LAMA1: variants seen among roughly 807,000 people sequenced by gnomAD.
LAMA1 encodes laminin subunit alpha-1.
A neutral mutation model predicts 348.7 loss-of-function variants in LAMA1; 219 were observed. That is an observed-to-expected ratio of 0.63 (90% CI 0.56 to 0.70). LAMA1 has a LOEUF of 0.70. Ranked by LOEUF, LAMA1 falls within the 30% of genes least tolerant of loss-of-function variation. LAMA1 has a pLI of 0.00. For missense variants in LAMA1, 3,744 were observed against 3,888.0 expected, an observed-to-expected ratio of 0.96 and a Z score of 0.99; for synonymous variants, 1,487 against 1,491.0, an observed-to-expected ratio of 1.00 and a Z score of 0.06.
Position 6,992,634 on chromosome 18 carries a change from C to T in LAMA1, c.5095G>A (p.Gly1699Ser), listed in dbSNP as rs1969412527. The change falls in exon 36 of 63, where the codon GGT (glycine) becomes AGT (serine). Residue 1699 changes from glycine (G) to serine (S), a missense_variant. By Grantham distance (56) the Gly-to-Ser change is moderately conservative (BLOSUM62 0). Around this residue, in one of 3 missense-constraint regions of LAMA1, gnomAD observed 1,983 missense variants for 1,934.3 expected, o/e 1.03. Coordinates refer to ENST00000389658, the MANE Select transcript of LAMA1 (RefSeq NM_005559.4). ...TGCATGATTTCTAGCAAAGATGTACCATTCTGTTGCATGTTCTGAAGAGTA... is the reference window on the plus strand; with the variant it reads ...TGCATGATTTCTAGCAAAGATGTACTATTCTGTTGCATGTTCTGAAGAGTA... ...NSTLQNMQQN[G>S]TSLLEIMQIR... The T allele has an allele frequency of 1.2e-6, 2 of 1,613,642 alleles. No homozygotes were observed. The highest frequency in any genetic ancestry group is 1.7e-5 in the Admixed American group (1 of 60,020).
rs566642634 is a variant in LAMA1, at chr18:7,099,257, T to G, written c.61+18403A>C. 1.5e-3 allele frequency among the ~76,000 whole-genome samples: 233 copies of G among 150,714 alleles called. 1 individual carries two copies. Among genetic ancestry groups the G allele is most frequent in the Non-Finnish European group, 2.1e-3 (140 of 67,688 alleles). Reference sequence around the variant, plus strand: ...TGCAAGATGTGCTTTGTTAAACAGATGCTTGAAGGCAGCATGCTCGTTAAG... The same window carrying G: ...TGCAAGATGTGCTTTGTTAAACAGAGGCTTGAAGGCAGCATGCTCGTTAAG... On this transcript the variant is annotated intron_variant, in intron 1 of 62. Coordinates refer to ENST00000389658, the MANE Select transcript of LAMA1 (RefSeq NM_005559.4).
At chr18:7,102,848 G>A (rs565665391) in intron 1 of LAMA1, among the ~76,000 whole-genome samples, 6 of 152,276 alleles carry the variant, frequency 3.9e-5, no homozygotes, top group African/African-American at 1.4e-4. Flanking sequence ...ATAAGTTTTT[G>A]TTGAGTATAA....
intron 23 of LAMA1, among the ~76,000 whole-genome samples, chr18:7,013,486 C>G (rs765112484): frequency 3.3e-5 from 5 of 152,162 alleles, no homozygotes; most frequent in African/African-American, 1.2e-4. Context: ...TCACAGGGAT[C>G]ACATCACAAA....
intron 25 of LAMA1, among the ~76,000 whole-genome samples, 167 bp downstream of exon 25, chr18:7,011,133 T>C (rs2057857796): frequency 6.6e-6 from 1 of 152,190 alleles, no homozygotes; most frequent in African/African-American, 2.4e-5. Context: ...AGGAACCATA[T>C]ATTTGAGGAG....
At chr18:7,025,727 A>G (rs960925471) in intron 17 of LAMA1, among the ~76,000 whole-genome samples, 2 of 152,214 alleles carry the variant, frequency 1.3e-5, no homozygotes, top group African/African-American at 4.8e-5. Context: ...ACTGATGACC[A>G]AGAGGAATCA....
At chr18:7,016,467 T>A (rs1568032211) in intron 21 of LAMA1, 24 bp downstream of exon 21, 1 of 1,614,032 alleles carries the variant, frequency 6.2e-7, no homozygotes, top group East Asian at 2.2e-5. Context: ...CTACAAAGTC[T>A]CAAACAAGGA....
intron 41 of LAMA1, 105 bp from the exon 42 acceptor site, chr18:6,980,742 A>G (rs934769014): frequency 5.8e-6 from 4 of 692,432 alleles, no homozygotes; most frequent in Non-Finnish European, 1.0e-5. Context: ...ATAGCTTTCT[A>G]AAGAGATTCC....
intron 30 of LAMA1, 73 bp downstream of exon 30, chr18:7,002,191 C>T (rs998713790): frequency 2.0e-5 from 32 of 1,584,594 alleles, no homozygotes; most frequent in Non-Finnish European, 2.6e-5. Context: ...CACTCAGAGA[C>T]CCTTGAAAAT....
At chr18:7,035,935 T>G in intron 13 of LAMA1, 52 bp downstream of exon 13, 1 of 1,440,090 alleles carries the variant, frequency 6.9e-7, no homozygotes, top group Non-Finnish European at 9.8e-7. Flanking sequence ...TCATAAACTA[T>G]CAGCCCACTA....
intron 19 of LAMA1, among the ~76,000 whole-genome samples, chr18:7,022,877 G>A (rs1291835975): frequency 2.0e-5 from 3 of 152,170 alleles, no homozygotes; most frequent in Non-Finnish European, 2.9e-5. Flanking sequence ...CAGTCACGGG[G>A]AGCAGAGCCG....
At chr18:7,006,668 C>T (rs927921460) in intron 29 of LAMA1, among the ~76,000 whole-genome samples, 3 of 152,194 alleles carry the variant, frequency 2.0e-5, no homozygotes, top group Middle Eastern at 3.2e-3. Context: ...GCCTACTACA[C>T]GCCTAGGCCA....
intron 39 of LAMA1, 147 bp downstream of exon 39, chr18:6,985,090 G>A: frequency 1.1e-6 from 1 of 945,770 alleles, no homozygotes; most frequent in South Asian, 1.4e-5. Flanking sequence ...GCAGACACAA[G>A]GAAATCCAAC....
At chr18:6,949,043 T>A in intron 59 of LAMA1, 58 bp downstream of exon 59, 1 of 1,606,240 alleles carries the variant, frequency 6.2e-7, no homozygotes, top group Non-Finnish European at 8.5e-7. Flanking sequence ...TATGCTCTTC[T>A]ACAAAATAAA....
chr18:6,965,160 A>G, intron 50 of LAMA1, 128 bp downstream of exon 50: 1 of 1,225,510 alleles, frequency 8.2e-7, no homozygotes, highest in Non-Finnish European at 1.2e-6. Flanking sequence ...CAAAGACAAC[A>G]CTGGCTTCCA....
Position 6,942,009 on chromosome 18 carries a change from T to C in LAMA1, c.*70A>G, listed in dbSNP as rs905840026. ...GGAAATGAAATATGAACTGAAGAGA[T>C]TCTTAATTCACACATACACTTCTCC... On this transcript the variant is annotated 3_prime_UTR_variant, in exon 63 of 63. Transcript: ENST00000389658. 3 of 1,570,978 alleles carry C rather than the reference T, an allele frequency of 1.9e-6. No individual in the cohort carries two copies. Among genetic ancestry groups the C allele is most frequent in the African/African-American group, 2.7e-5 (2 of 74,104 alleles).
Position 7,108,201 on chromosome 18 carries a change from C to A in LAMA1, c.61+9459G>T, listed in dbSNP as rs1248840830. On this transcript the variant is annotated intron_variant, in intron 1 of 62. Transcript: ENST00000389658. ...AAATACAAAAATTAGCCAGGCATGG[C>A]GGTGTGTGCCTGTAGTCCCAGCTAC... Among the ~76,000 whole-genome samples the A allele has an allele frequency of 2.7e-5, 4 of 148,244 alleles. No individual in the cohort carries two copies. In the East Asian group the frequency reaches 8.2e-4, roughly 30 times the overall value.
Position 6,999,801 on chromosome 18 carries a change from C to T in LAMA1, c.4469+110G>A. ...GAGGTCTTATTTCAATCAAGCACAT[C>T]CAAACTGATAATTGATAATGGCTCC... is the stretch of plus-strand genomic sequence containing the variant. On this transcript the variant is annotated intron_variant, in intron 31 of 62. Coordinates refer to ENST00000389658, the MANE Select transcript of LAMA1 (RefSeq NM_005559.4). 4.0e-6 allele frequency: 5 copies of T among 1,240,002 alleles called. No individual in the cohort carries two copies. The South Asian group carries it at 6.2e-5, about 15-fold the overall frequency. The allele number at this position is 1,240,002 out of a possible 1,614,324, so 76.8% of individuals were successfully genotyped here. A position where few individuals can be genotyped will look rare whatever the true frequency, so the allele number is the denominator to read the frequency against.
intron 4 of LAMA1, among the ~76,000 whole-genome samples, chr18:7,050,197 T>G (rs1447840658): frequency 6.6e-6 from 1 of 152,214 alleles, no homozygotes; most frequent in East Asian, 1.9e-4. Context: ...TGGAGAATTT[T>G]TGTAGTTTCA....
chr18:7,045,449 A>G (rs2058037982), intron 6 of LAMA1, among the ~76,000 whole-genome samples: 1 of 152,198 alleles, frequency 6.6e-6, no homozygotes, highest in African/African-American at 2.4e-5. Flanking sequence ...CAGCATGGAC[A>G]ACAAGAGCAA....
Sources: allele counts gnomAD v4.1 joint callset (sites outside exome capture counted in the v4.1 genomes callset), GRCh38; gene constraint gnomAD v4.1.1; regional missense constraint gnomAD v4.1.1; transcripts MANE v1.5; gene names NCBI Gene and HGNC (gene_info 2026-07-23, HGNC 2026-07-21).